PLCD1: variants seen among roughly 807,000 people sequenced by gnomAD.
PLCD1 encodes the protein 1-phosphatidylinositol 4,5-bisphosphate phosphodiesterase delta-1.
Under a neutral mutation model 87.4 loss-of-function variants are expected in PLCD1, and 71 were observed. The observed-to-expected ratio is 0.81, with a 90% CI of 0.67 to 0.99. PLCD1 has a LOEUF of 0.99. Ranked by LOEUF, PLCD1 falls within the 50% of genes least tolerant of loss-of-function variation. The pLI is 0.00. For missense variants in PLCD1, 867 were observed against 1,001.5 expected, an observed-to-expected ratio of 0.87 and a Z score of 1.81; for synonymous variants, 348 against 399.2, an observed-to-expected ratio of 0.87 and a Z score of 1.53.
rs1304799950 is a variant in PLCD1 at position 38,011,823 on chromosome 3, G to A, written c.429-150C>T. 9 of 694,266 alleles carry A rather than the reference G, an allele frequency of 1.3e-5. 1 individual carries two copies. Among genetic ancestry groups the A allele is most frequent in the South Asian group, 1.0e-4 (6 of 60,252 alleles). 43.0% of individuals were successfully genotyped at this position (694,266 alleles called of 1,614,324 possible). On this transcript the variant is annotated intron_variant, in intron 3 of 14. Coordinates refer to ENST00000334661, the MANE Select transcript of PLCD1 (RefSeq NM_006225.4). ...CATCCATGTTTCAGTGGCCTCTTCA[G>A]AGGAAAATGTTAAGGGGTCTTTTTC...
chr3:38,012,479 A>G (rs1700094966), intron 3 of PLCD1, among the ~76,000 whole-genome samples: 2 of 150,436 alleles, frequency 1.3e-5, no homozygotes, highest in East Asian at 1.9e-4. Flanking sequence ...ATACCCATAT[A>G]TATACAATTT....
rs765868232 is a variant in PLCD1 at position 38,009,987 on chromosome 3, C to G, written c.1204G>C (p.Ala402Pro). Residue 402 changes from alanine (A) to proline (P), a missense_variant, in exon 8 of 15, where the codon GCG (alanine) becomes CCG (proline). Transcript: ENST00000334661. ...HCTLEQQRVM[A>P]RHLHAILGPM... ...CCCAGGATGGCATGCAGGTGCCGCG[C>G]CATCACGCGCTGCTGCTCCAGTGTG... 1 of 1,614,104 alleles carries G rather than the reference C, an allele frequency of 6.2e-7. No individual in the cohort carries two copies. The highest frequency in any genetic ancestry group is 1.7e-5 in the Admixed American group (1 of 60,034).
intron 1 of PLCD1, among the ~76,000 whole-genome samples, chr3:38,021,117 GC>G (rs1700227837): frequency 1.3e-5 from 2 of 152,052 alleles, no homozygotes; most frequent in Admixed American, 6.6e-5. Context: ...GGACCCCTAT[GC>G]CCATCTCTGC....
Position 38,009,073 on chromosome 3 carries a change from G to A in PLCD1, c.1692C>T (p.Pro564=), listed in dbSNP as rs144157044. The change falls in exon 11 of 15, where the codon CCC becomes CCT. Residue 564 remains proline, a synonymous_variant. Coordinates refer to ENST00000334661, the MANE Select transcript of PLCD1 (RefSeq NM_006225.4). The part of the protein sequence containing the change: ...GWRTDSSNYS[P]VEMWNGGCQI... Reference sequence around the variant, plus strand: ...GGCAGCCCCCATTCCACATCTCCACGGGGCTGTAGTTGGAGGAGTCTGTTC... The same window carrying A: ...GGCAGCCCCCATTCCACATCTCCACAGGGCTGTAGTTGGAGGAGTCTGTTC... The A allele has an allele frequency of 3.3e-4, 528 of 1,613,554 alleles. No homozygotes were observed. The highest frequency in any genetic ancestry group is 1.7e-3 in the Admixed American group (104 of 60,020).
chr3:38,027,448 A>G (rs1220620796), intron 1 of PLCD1, among the ~76,000 whole-genome samples: 1 of 152,256 alleles, frequency 6.6e-6, no homozygotes, highest in Non-Finnish European at 1.5e-5. Context: ...ACTGACACAC[A>G]GGGAAGTCAA....
chr3:38,016,708 C>A lies in PLCD1; in HGVS notation c.211G>T (p.Asp71Tyr). 1 of 1,557,218 alleles carries A rather than the reference C, an allele frequency of 6.4e-7. No homozygotes were observed. Among genetic ancestry groups the A allele is most frequent in the Non-Finnish European group, 8.7e-7 (1 of 1,149,110 alleles). Residue 71 changes from aspartate (D) to tyrosine (Y), a missense_variant, in exon 3 of 15, where the codon GAC becomes TAC. Physicochemically the swap from Asp to Tyr is radical, Grantham distance 160. Coordinates refer to ENST00000334661, the MANE Select transcript of PLCD1 (RefSeq NM_006225.4). ...TPESQLFSIE[D>Y]IQEVRMGHRT... is the part of the protein sequence containing the mutation. Reference sequence around the variant, plus strand: ...TGCCCCATTCGCACCTCCTGAATGTCCTCGATGGAGACTGCGAGAGGGGGA... The same window carrying A: ...TGCCCCATTCGCACCTCCTGAATGTACTCGATGGAGACTGCGAGAGGGGGA...
intron 3 of PLCD1, among the ~76,000 whole-genome samples, chr3:38,012,155 C>T (rs1353469626): frequency 6.7e-5 from 10 of 149,952 alleles, no homozygotes; most frequent in Middle Eastern, 3.5e-3. Context: ...AGGTGTGCAC[C>T]GCACCACCAC....
At chr3:38,019,240 G>A (rs1182519505) in intron 2 of PLCD1, among the ~76,000 whole-genome samples, 1 of 152,156 alleles carries the variant, frequency 6.6e-6, no homozygotes, top group Non-Finnish European at 1.5e-5. Context: ...AACCCAGGCT[G>A]CAATGATCTA....
chr3:38,016,752 G>A (rs1173811889), intron 2 of PLCD1, 33 bp from the exon 3 acceptor site: 1 of 1,451,142 alleles, frequency 6.9e-7, no homozygotes. Context: ...GAGAGAGGGA[G>A]AGAATGCTGT....
At position 38,011,264 on chromosome 3, in the gene PLCD1, C is replaced by T; in HGVS notation, c.740G>A (p.Gly247Glu). ...AATGAGGGAGAGGGCCAGCGCAGGC[C>T]CTGCCGCCTCCTCCCGCTGCTGGTG... ...LQHQQREEAA[G>E]PALALSLIER... Residue 247 changes from glycine (G) to glutamate (E), a missense_variant, in exon 5 of 15, where the codon GGG (glycine) becomes GAG (glutamate). Physicochemically the swap from Gly to Glu is moderately conservative, Grantham distance 98. Coordinates refer to ENST00000334661, the MANE Select transcript of PLCD1 (RefSeq NM_006225.4). The T allele has an allele frequency of 2.5e-6, 4 of 1,611,658 alleles. No homozygotes were observed. Among genetic ancestry groups the T allele is most frequent in the Non-Finnish European group, 3.4e-6 (4 of 1,180,016 alleles).
intron 3 of PLCD1, among the ~76,000 whole-genome samples, chr3:38,012,372 A>G (rs1700093414): frequency 6.6e-6 from 1 of 152,092 alleles, no homozygotes; most frequent in South Asian, 2.1e-4. Context: ...CCACCTGCTG[A>G]ATAGCCTTCA....
At chr3:38,024,569 C>A (rs1418353327) in intron 1 of PLCD1, 3 of 1,508,524 alleles carry the variant, frequency 2.0e-6, no homozygotes, top group Non-Finnish European at 2.7e-6. Context: ...GGGGCGGAGT[C>A]CAGGAATGGG....
At chr3:38,024,756 G>T (rs181800582) in intron 1 of PLCD1, 1 of 1,347,172 alleles carries the variant, frequency 7.4e-7, no homozygotes, top group Non-Finnish European at 9.7e-7. Flanking sequence ...TGAGTGGGGG[G>T]AGTCAGAATA....
chr3:38,024,396 C>G (rs1267871573), intron 1 of PLCD1: 2 of 1,612,678 alleles, frequency 1.2e-6, no homozygotes, highest in Non-Finnish European at 1.7e-6. Flanking sequence ...GTAGAGCTCC[C>G]TGGAGCGGCT....
intron 3 of PLCD1, among the ~76,000 whole-genome samples, chr3:38,014,100 T>G (rs1443702564): frequency 2.6e-5 from 4 of 152,210 alleles, no homozygotes; most frequent in Non-Finnish European, 5.9e-5. Flanking sequence ...AAGAATTACA[T>G]GTTCATGGAT....
At chr3:38,028,966 C>G (rs952533310) in intron 1 of PLCD1, among the ~76,000 whole-genome samples, 7 of 152,260 alleles carry the variant, frequency 4.6e-5, no homozygotes, top group Non-Finnish European at 7.3e-5. Context: ...GCTGACTATT[C>G]TGCGCTGGGC....
At chr3:38,022,190 T>G (rs1368639163) in intron 1 of PLCD1, among the ~76,000 whole-genome samples, 1 of 152,236 alleles carries the variant, frequency 6.6e-6, no homozygotes, top group East Asian at 1.9e-4. Context: ...ACCCACTTGA[T>G]GAGCTGTTGT....
At position 38,016,511 on chromosome 3, in the gene PLCD1, GT is replaced by G; in HGVS notation, c.407del (p.Asp136AlafsTer25). 1 of 1,613,154 alleles carries G rather than the reference GT, an allele frequency of 6.2e-7. No homozygotes were observed. Among genetic ancestry groups the G allele is most frequent in the Non-Finnish European group, 8.5e-7 (1 of 1,179,148 alleles). ...HKIIHHSGSMDQRQKLQHWIH... is the reference protein window; with the variant it reads ...HKIIHHSGSMXQRQKLQHWIH... The stretch of plus-strand genomic sequence containing the variant: ...GATACTGCTGTAGCTTCTGACGCTG[GT>G]CCATGGAGCCTGAGTGGTGGATGAT... On this transcript the variant is annotated frameshift_variant, in exon 3 of 15. Transcript: ENST00000334661. LOFTEE classifies it high-confidence loss of function.
chr3:38,017,279 C>T lies in PLCD1; in HGVS notation c.200-560G>A, dbSNP rs72865504. Among the ~76,000 whole-genome samples, 8,607 of 152,188 alleles carry T rather than the reference C, an allele frequency of 0.057. 429 individuals are homozygous for T. The highest frequency in any genetic ancestry group is 0.13 in the African/African-American group (5,421 of 41,490). On this transcript the variant is annotated intron_variant, in intron 2 of 14. Coordinates refer to ENST00000334661, the MANE Select transcript of PLCD1 (RefSeq NM_006225.4). This position sits in a 1 kb window ranked among gnomAD's most constrained non-coding sequence, Gnocchi z 4.7. ...TGGAACCACCCTCAGTTAGCCCCAG[C>T]CCTGGGGTCTATGGGCAGAGGGCCG... is the stretch of plus-strand genomic sequence containing the variant.
Sources: gnomAD v4.1 joint callset for allele counts (sites outside exome capture counted in the v4.1 genomes callset) on GRCh38, gnomAD v4.1.1 for gene constraint, Gnocchi (gnomAD v3.1) non-coding constraint, MANE v1.5 for transcripts, NCBI Gene and HGNC (gene_info 2026-07-23, HGNC 2026-07-21) for gene names.